Variants in RUBCN observed in about 807,000 individuals in gnomAD.
The protein encoded by RUBCN is rubicon autophagy regulator, also known as run domain Beclin-1-interacting and cysteine-rich domain-containing protein.
A neutral mutation model predicts 113.2 loss-of-function variants in RUBCN; 74 were observed. The observed-to-expected ratio is 0.65, with a 90% CI of 0.54 to 0.79. RUBCN has a LOEUF of 0.79. Ranked by LOEUF, RUBCN falls within the 30% of genes least tolerant of loss-of-function variation. The pLI is 0.00. For synonymous variants in RUBCN, 480 were observed against 490.0 expected, an observed-to-expected ratio of 0.98 and a Z score of 0.27; for missense variants, 1,109 against 1,251.7, an observed-to-expected ratio of 0.89 and a Z score of 1.72.
At chr3:197,689,771 T>C (rs1468881253) in intron 11 of RUBCN, among the ~76,000 whole-genome samples, 3 of 152,192 alleles carry the variant, frequency 2.0e-5, no homozygotes, top group Non-Finnish European at 4.4e-5. Context: ...CAAAGCAGGG[T>C]ATTTAGAATA....
chr3:197,736,991 C>G (rs1335543405), upstream of RUBCN: 1 of 1,215,838 alleles, frequency 8.2e-7, no homozygotes, highest in African/African-American at 1.6e-5. Flanking sequence ...CAATCCCAGG[C>G]CGCGCTCGCA....
chr3:197,676,756 G>C, intron 18 of RUBCN, 129 bp downstream of exon 18: 2 of 1,561,574 alleles, frequency 1.3e-6, no homozygotes, highest in African/African-American at 2.7e-5. Context: ...GCCCTTTCCA[G>C]TTCCTCTCCC....
rs1162877408 is a variant in RUBCN at position 197,717,963 on chromosome 3, G to A, written c.219+14C>T. The stretch of plus-strand genomic sequence containing the variant: ...CGAGTCAGCCAATCTGGCAAAAAAA[G>A]GAGTTCTGCATACCTGGTCACGGAT... On this transcript the variant is annotated intron_variant, in intron 2 of 19. Transcript: ENST00000296343. 6.2e-7 allele frequency: 1 copy of A among 1,613,196 alleles called. No individual in the cohort carries two copies. The highest frequency in any genetic ancestry group is 8.5e-7 in the Non-Finnish European group (1 of 1,180,006).
At chr3:197,730,885 C>CTTTTTTTTTTTTTTTTTTTTTTT (rs71166707) in intron 1 of RUBCN, among the ~76,000 whole-genome samples, 4 of 50,006 alleles carry the variant, frequency 8.0e-5, no homozygotes, top group African/African-American at 1.6e-4. Flanking sequence ...TTAAAAGCAT[C>CTTTTTTTTTTTTTTTTTTTTTTT]TTTTTTTTTT....
chr3:197,669,949 C>T lies in RUBCN; in HGVS notation c.*5069G>A, dbSNP rs544008060. The stretch of plus-strand genomic sequence containing the variant: ...TGTTGCCCAGGGTGGAGTGCAGTGG[C>T]GTGATCTCGGCTCACTGCAACCTCC... On this transcript the variant is annotated 3_prime_UTR_variant, in exon 20 of 20. Coordinates refer to ENST00000296343, the MANE Select transcript of RUBCN (RefSeq NM_014687.4). 6.6e-5 allele frequency among the ~76,000 whole-genome samples: 10 copies of T among 152,270 alleles called. No individual in the cohort carries two copies. In the South Asian group the frequency reaches 1.2e-3, roughly 19 times the overall value.
chr3:197,718,055 G>A lies in RUBCN; in HGVS notation c.141C>T (p.Val47=). 1 of 1,614,170 alleles carries A rather than the reference G, an allele frequency of 6.2e-7. No homozygotes were observed. Residue 47 remains valine, a synonymous_variant, in exon 2 of 20, where the codon GTC becomes GTT. Transcript: ENST00000296343. ...GCTCCAAGCCACCATACTTAGACCA[G>A]ACGTTGGGGCTGTTGGTTGATACCA... ...EGLVSTNSPN[V]WSKYGGLERL...
chr3:197,738,683 C>T (rs1305270220), upstream of RUBCN, among the ~76,000 whole-genome samples: 3 of 152,062 alleles, frequency 2.0e-5, no homozygotes, highest in Non-Finnish European at 4.4e-5. Context: ...CCTCCTCAAG[C>T]GGATCCTCTC....
At chr3:197,691,730 A>G (rs933304676) in intron 11 of RUBCN, among the ~76,000 whole-genome samples, 3 of 152,132 alleles carry the variant, frequency 2.0e-5, no homozygotes, top group African/African-American at 7.2e-5. Context: ...GCTGCAGGAA[A>G]CAGATGTGGT....
chr3:197,695,623 C>G (rs1284624277), intron 9 of RUBCN, among the ~76,000 whole-genome samples: 1 of 152,094 alleles, frequency 6.6e-6, no homozygotes, highest in Admixed American at 6.5e-5. Context: ...AACACACACA[C>G]AAACTTGATG....
intron 2 of RUBCN, among the ~76,000 whole-genome samples, chr3:197,715,322 C>T (rs115524852): frequency 0.015 from 2,189 of 145,760 alleles, 47 homozygotes; most frequent in African/African-American, 0.052. Context: ...GAAAAAGAAA[C>T]TCAACATTAA....
intron 1 of RUBCN, among the ~76,000 whole-genome samples, chr3:197,726,577 T>C (rs371386360): frequency 9.8e-4 from 148 of 151,270 alleles, no homozygotes; most frequent in African/African-American, 3.4e-3. Context: ...TCTCGCTCTG[T>C]CACCCAGGCT....
chr3:197,746,171 A>G (rs1349941171), intron 1 of RUBCN, among the ~76,000 whole-genome samples: 3 of 152,254 alleles, frequency 2.0e-5, no homozygotes, highest in African/African-American at 7.2e-5. Context: ...AAATATGACT[A>G]AGTATAAAGT....
chr3:197,741,830 CAA>C (rs553278631), upstream of RUBCN, among the ~76,000 whole-genome samples: 1 of 135,734 alleles, frequency 7.4e-6, no homozygotes. Context: ...GACTCCATCT[CAA>C]AAAAAAAAAA....
At chr3:197,700,338 G>A (rs573788400) in intron 7 of RUBCN, 14 of 511,368 alleles carry the variant, frequency 2.7e-5, no homozygotes, top group Admixed American at 7.4e-5. Context: ...TTGAAAACTC[G>A]CACTATGAGT....
intron 6 of RUBCN, 110 bp from the exon 7 acceptor site, chr3:197,701,256 CCAAATAAAGTA>C: frequency 1.0e-6 from 1 of 957,286 alleles, no homozygotes; most frequent in Non-Finnish European, 1.5e-6. Flanking sequence ...AAACGGCAAG[CCAAATAAAGTA>C]CAAAATTATT....
chr3:197,709,384 G>T (rs1724692294), intron 2 of RUBCN, among the ~76,000 whole-genome samples: 1 of 149,726 alleles, frequency 6.7e-6, no homozygotes, highest in Non-Finnish European at 1.5e-5. Context: ...GCTACTATGG[G>T]TTTTTTTTTT....
chr3:197,706,499 T>C (rs1305846776), intron 2 of RUBCN, among the ~76,000 whole-genome samples: 2 of 151,698 alleles, frequency 1.3e-5, no homozygotes, highest in African/African-American at 2.4e-5. Context: ...CTGGGCAACA[T>C]AGCGAGACCC....
At chr3:197,691,420 T>C (rs948186509) in intron 11 of RUBCN, among the ~76,000 whole-genome samples, 2 of 151,904 alleles carry the variant, frequency 1.3e-5, no homozygotes, top group African/African-American at 4.8e-5. Context: ...TCTGATTGTC[T>C]TGATACTGGG....
chr3:197,696,664 G>A (rs1308097498), intron 8 of RUBCN, among the ~76,000 whole-genome samples: 2 of 152,094 alleles, frequency 1.3e-5, no homozygotes, highest in Non-Finnish European at 2.9e-5. Context: ...TCTTTTCAAG[G>A]TCCATCTCAT....
Sources: gnomAD v4.1 joint callset for allele counts (sites outside exome capture counted in the v4.1 genomes callset) on GRCh38, gnomAD v4.1.1 for gene constraint, MANE v1.5 for transcripts, NCBI Gene and HGNC (gene_info 2026-07-23, HGNC 2026-07-21) for gene names.